Variants in EBF2 observed in about 807,000 individuals in gnomAD.
The protein encoded by EBF2 is transcription factor COE2.
Under a neutral mutation model 72.8 loss-of-function variants are expected in EBF2, and 21 were observed. That is an observed-to-expected ratio of 0.29 (90% confidence interval 0.20 to 0.42). The LOEUF (loss-of-function observed/expected upper bound fraction) is 0.42. Among genes scored for constraint, EBF2 ranks in the 10% least tolerant of loss-of-function variants. EBF2 has a pLI of 1.00. For missense variants in EBF2, 637 were observed against 731.2 expected (o/e 0.87, Z 1.49); for synonymous variants, 299 against 274.2 (o/e 1.09, Z -0.89).
At chr8:25,927,883 G>A (rs1055254452) in intron 6 of EBF2, among the ~76,000 whole-genome samples, 3 of 152,098 alleles carry the variant, frequency 2.0e-5, no homozygotes, top group Non-Finnish European at 2.9e-5. Context: ...TTTTCTACAA[G>A]GATTTCATAA....
At chr8:25,885,680 G>C (rs1802678256) in intron 10 of EBF2, among the ~76,000 whole-genome samples, 1 of 152,228 alleles carries the variant, frequency 6.6e-6, no homozygotes, top group Middle Eastern at 3.4e-3. Flanking sequence ...GAGATCTGAT[G>C]ATTTTATAGT....
At chr8:26,009,824 A>G (rs958411417) in intron 6 of EBF2, among the ~76,000 whole-genome samples, 6 of 152,212 alleles carry the variant, frequency 3.9e-5, no homozygotes, top group Non-Finnish European at 7.3e-5. Flanking sequence ...CATTTCATGA[A>G]TCTCACATAA....
chr8:25,937,566 C>T (rs936479693), intron 6 of EBF2, among the ~76,000 whole-genome samples: 1 of 152,004 alleles, frequency 6.6e-6, no homozygotes, highest in Non-Finnish European at 1.5e-5. Context: ...GGCGATGGGG[C>T]GGGGGAGAGG....
intron 6 of EBF2, among the ~76,000 whole-genome samples, chr8:26,000,793 A>G (rs1329819307): frequency 1.3e-5 from 2 of 152,234 alleles, no homozygotes; most frequent in Non-Finnish European, 2.9e-5. Context: ...GACATTAGCC[A>G]GGCGTTTGTT....
chr8:25,934,206 T>A (rs1367786015), intron 6 of EBF2, among the ~76,000 whole-genome samples: 1 of 148,180 alleles, frequency 6.7e-6, no homozygotes, highest in East Asian at 2.0e-4. Flanking sequence ...CTGCTGCTTA[T>A]TGTTGACTTC....
chr8:26,029,621 G>A (rs1805364554), intron 6 of EBF2, among the ~76,000 whole-genome samples: 1 of 152,132 alleles, frequency 6.6e-6, no homozygotes, highest in Admixed American at 6.5e-5. Context: ...TGTGCCTGTT[G>A]TGTGAGAAAA....
At chr8:25,993,128 G>A (rs185634419) in intron 6 of EBF2, among the ~76,000 whole-genome samples, 1 of 152,270 alleles carries the variant, frequency 6.6e-6, no homozygotes, top group African/African-American at 2.4e-5. Flanking sequence ...AAAAACAGAA[G>A]ATGAGGTCAT....
intron 2 of EBF2, among the ~76,000 whole-genome samples, chr8:26,041,887 G>T (rs554449222): frequency 1.3e-5 from 2 of 152,338 alleles, no homozygotes; most frequent in East Asian, 3.9e-4. Context: ...GCAGAGCCGG[G>T]AGCGCTCCTC....
chr8:26,028,876 A>T (rs939970303), intron 6 of EBF2, among the ~76,000 whole-genome samples: 30 of 152,292 alleles, frequency 2.0e-4, no homozygotes, highest in African/African-American at 6.5e-4. Context: ...GGATTTCTAC[A>T]CTAAAAATTA....
intron 6 of EBF2, among the ~76,000 whole-genome samples, chr8:25,979,996 A>G (rs1038562250): frequency 1.8e-4 from 27 of 151,220 alleles, no homozygotes; most frequent in Non-Finnish European, 3.2e-4. Context: ...AATGAAAAGG[A>G]AAAAAAAAGC....
intron 6 of EBF2, among the ~76,000 whole-genome samples, chr8:25,972,275 T>C (rs1804202830): frequency 6.6e-6 from 1 of 152,114 alleles, no homozygotes; most frequent in Admixed American, 6.6e-5. Context: ...ATTACAATCT[T>C]GGTCCACCCA....
intron 6 of EBF2, among the ~76,000 whole-genome samples, chr8:25,912,710 C>T (rs185715976): frequency 4.1e-4 from 62 of 152,204 alleles, no homozygotes; most frequent in Non-Finnish European, 6.8e-4. Context: ...GGCACAGTGG[C>T]AAGCAAAGTC....
At chr8:25,966,544 C>A (rs866989323) in intron 6 of EBF2, among the ~76,000 whole-genome samples, 56 of 152,208 alleles carry the variant, frequency 3.7e-4, no homozygotes, top group African/African-American at 1.3e-3. Flanking sequence ...TTGCTGTTAA[C>A]TCCAAAGGGG....
rs1801767770 is a variant in EBF2 at position 25,843,173 on chromosome 8, A to G, written c.*1436T>C. The G allele has an allele frequency of 6.6e-6, 1 of 152,216 alleles. No individual in the cohort carries two copies. Among genetic ancestry groups the G allele is most frequent in the Non-Finnish European group, 1.5e-5 (1 of 68,050 alleles). 9.4% of individuals were successfully genotyped at this position (152,216 alleles called of 1,614,324 possible). On this transcript the variant is annotated 3_prime_UTR_variant, in exon 16 of 16. Coordinates refer to ENST00000520164, the MANE Select transcript of EBF2 (RefSeq NM_022659.4). ...GCTGCATAGAACGCAGATGCCCCTA[A>G]TCTCTGGATCTCCCAAGAATCTGGT...
chr8:25,858,572 C>T, intron 13 of EBF2, 68 bp from the exon 14 acceptor site: 3 of 1,513,230 alleles, frequency 2.0e-6, no homozygotes, highest in South Asian at 1.3e-5. Flanking sequence ...GTGGCTAGCA[C>T]AGGTCCTCAT....
chr8:25,865,646 C>G (rs1802296471), intron 10 of EBF2, among the ~76,000 whole-genome samples: 1 of 151,852 alleles, frequency 6.6e-6, no homozygotes, highest in Non-Finnish European at 1.5e-5. Context: ...AGGCTGGTCT[C>G]AAACTCCTAG....
intron 14 of EBF2, among the ~76,000 whole-genome samples, chr8:25,852,553 TACAGATAATTATTTTCTAATA>T (rs1319333091): frequency 6.6e-6 from 1 of 152,104 alleles, no homozygotes; most frequent in African/African-American, 2.4e-5. Context: ...GACTCACTAG[TACAGATAATTATTTTCTAATA>T]ACAGATTTCA....
At chr8:25,933,957 T>C (rs770660603) in intron 6 of EBF2, among the ~76,000 whole-genome samples, 1 of 152,134 alleles carries the variant, frequency 6.6e-6, no homozygotes, top group Non-Finnish European at 1.5e-5. Context: ...CATACATTGT[T>C]TGGGTCAGAA....
At chr8:25,990,188 TACACACACACAC>T (rs60406400) in intron 6 of EBF2, among the ~76,000 whole-genome samples, 2 of 146,266 alleles carry the variant, frequency 1.4e-5, no homozygotes, top group African/African-American at 5.0e-5. Flanking sequence ...CTATGGGTTA[TACACACACACAC>T]ACACACACAC....
Sources: allele counts gnomAD v4.1 joint callset (sites outside exome capture counted in the v4.1 genomes callset), GRCh38; gene constraint gnomAD v4.1.1; transcripts MANE v1.5; gene names NCBI Gene and HGNC (gene_info 2026-07-23, HGNC 2026-07-21).